The following KSR1 variants were observed in gnomAD, a reference collection of about 807,000 sequenced individuals.
KSR1 encodes the protein kinase suppressor of ras 1.
Under a neutral mutation model 92.9 loss-of-function variants are expected in KSR1, and 35 were observed. The observed-to-expected ratio is 0.38, with a 90% CI of 0.29 to 0.50. KSR1 has a LOEUF of 0.50. Ranked by LOEUF, KSR1 falls within the 20% of genes least tolerant of loss-of-function variation. KSR1 has a pLI of 0.94. For synonymous variants in KSR1, 467 were observed against 472.6 expected (o/e 0.99, Z 0.15); for missense variants, 972 against 1,158.5 (o/e 0.84, Z 2.34).
intron 9 of KSR1, among the ~76,000 whole-genome samples, chr17:27,595,960 T>C (rs1396661818): frequency 1.3e-5 from 2 of 152,162 alleles, no homozygotes; most frequent in African/African-American, 4.8e-5. Context: ...AGTGGGGCCA[T>C]GGTGGCACGT....
intron 2 of KSR1, among the ~76,000 whole-genome samples, chr17:27,558,642 G>A (rs183013191): frequency 9.2e-5 from 14 of 152,174 alleles, no homozygotes; most frequent in South Asian, 4.2e-4. Flanking sequence ...ATAGAGGTCA[G>A]GGATGCCAGA....
chr17:27,570,998 C>T (rs907355514), intron 2 of KSR1, among the ~76,000 whole-genome samples: 12 of 152,166 alleles, frequency 7.9e-5, no homozygotes, highest in African/African-American at 2.9e-4. Flanking sequence ...ATGGGAAATC[C>T]GAAGCCCAAA....
chr17:27,525,855 T>G (rs948474474), intron 1 of KSR1, among the ~76,000 whole-genome samples: 2 of 152,130 alleles, frequency 1.3e-5, no homozygotes, highest in African/African-American at 4.8e-5. Context: ...GTAAATCTTC[T>G]CCCTAAACAT....
At chr17:27,597,138 TA>T in intron 9 of KSR1, 129 bp from the exon 10 acceptor site, 1 of 1,025,782 alleles carries the variant, frequency 9.7e-7, no homozygotes, top group Non-Finnish European at 1.4e-6. Flanking sequence ...GTTAGATGTG[TA>T]AAATGTCAGA....
intron 1 of KSR1, among the ~76,000 whole-genome samples, chr17:27,537,813 AT>A (rs1045169374): frequency 1.3e-5 from 2 of 152,240 alleles, no homozygotes; most frequent in African/African-American, 4.8e-5. Flanking sequence ...AAAAGAATAT[AT>A]CCAGTTGTGG....
At chr17:27,576,125 C>G (rs773083948) in intron 2 of KSR1, among the ~76,000 whole-genome samples, 1 of 152,198 alleles carries the variant, frequency 6.6e-6, no homozygotes, top group Non-Finnish European at 1.5e-5. Flanking sequence ...CTGCTTTTCA[C>G]GCTTCAGGTC....
At chr17:27,496,017 G>A (rs1367092986) in intron 1 of KSR1, among the ~76,000 whole-genome samples, 1 of 152,172 alleles carries the variant, frequency 6.6e-6, no homozygotes, top group African/African-American at 2.4e-5. Context: ...CTTCTGGAAC[G>A]TTTTGAGTTC....
chr17:27,562,944 C>T (rs573522201), intron 2 of KSR1, among the ~76,000 whole-genome samples: 1 of 152,178 alleles, frequency 6.6e-6, no homozygotes, highest in Non-Finnish European at 1.5e-5. Context: ...TTCTCTGAGC[C>T]TGCTTACTGT....
rs1166612032 is a variant in KSR1, at chr17:27,626,426, T to C, written c.*3034T>C. On this transcript the variant is annotated 3_prime_UTR_variant, in exon 21 of 21. Coordinates refer to ENST00000644974, the MANE Select transcript of KSR1 (RefSeq NM_001394583.1). ...TGTCTGGAGTTTGTGAATAAAGTTATACCAAGGTGTTCTGGGGCTTGTCTT... is the reference window on the plus strand; with the variant it reads ...TGTCTGGAGTTTGTGAATAAAGTTACACCAAGGTGTTCTGGGGCTTGTCTT... The C allele has an allele frequency of 6.6e-6, 1 of 152,296 alleles. No individual in the cohort carries two copies. Among genetic ancestry groups the C allele is most frequent in the African/African-American group, 2.4e-5 (1 of 41,460 alleles). The allele number at this position is 152,296 out of a possible 1,614,324, so 9.4% of individuals were successfully genotyped here.
chr17:27,590,932 C>G (rs376012371), intron 7 of KSR1, 38 bp downstream of exon 7: 2 of 1,546,584 alleles, frequency 1.3e-6, no homozygotes, highest in African/African-American at 2.7e-5. Flanking sequence ...GGAGCAGACA[C>G]TTTTAGTTCA....
In KSR1 at chr17:27,537,336, G is replaced by A. The variant is rs576991921; in HGVS notation, c.232-13232G>A. ...TGCATGTGGTTTACAGTATGCTAGG[G>A]TCCTTTTTCAAGGATATGTAACTCT... is the stretch of plus-strand genomic sequence containing the variant. On this transcript the variant is annotated intron_variant, in intron 1 of 20. Transcript: ENST00000644974. Among the ~76,000 whole-genome samples, 3 of 152,278 alleles carry A rather than the reference G, an allele frequency of 2.0e-5. No individual in the cohort carries two copies. The South Asian group carries it at 6.2e-4, about 32-fold the overall frequency.
At chr17:27,481,138 C>A (rs2068497669) in intron 1 of KSR1, among the ~76,000 whole-genome samples, 1 of 152,120 alleles carries the variant, frequency 6.6e-6, no homozygotes, top group Non-Finnish European at 1.5e-5. Flanking sequence ...AAGTTAGATA[C>A]TCAGCTTTGT....
At position 27,468,007 on chromosome 17, in the gene KSR1, CG is replaced by C. The variant is rs1033203901; in HGVS notation, c.231+11137del. Reference sequence around the variant, plus strand: ...TTCGTTTTCGTATTTTTAGTAGAGACGGGGTTTCACCGTGTTAGCCAGGATG... The same window carrying C: ...TTCGTTTTCGTATTTTTAGTAGAGACGGGTTTCACCGTGTTAGCCAGGATG... On this transcript the variant is annotated intron_variant, in intron 1 of 20. Transcript: ENST00000644974. Among the ~76,000 whole-genome samples the C allele has an allele frequency of 2.0e-4, 31 of 152,038 alleles. 1 individual carries two copies. Among genetic ancestry groups the C allele is most frequent in the Admixed American group, 2.0e-3 (31 of 15,262 alleles).
chr17:27,598,623 A>G (rs151215285), intron 10 of KSR1, among the ~76,000 whole-genome samples: 2 of 152,140 alleles, frequency 1.3e-5, no homozygotes, highest in East Asian at 3.9e-4. Context: ...CTCTGTCTTT[A>G]TTATGCTCTG....
chr17:27,613,477 C>A (rs985866377), intron 18 of KSR1, among the ~76,000 whole-genome samples: 5 of 152,240 alleles, frequency 3.3e-5, no homozygotes, highest in African/African-American at 1.2e-4. Context: ...CAGGCCACCA[C>A]ACACGAGCTG....
intron 1 of KSR1, among the ~76,000 whole-genome samples, chr17:27,501,284 C>CTTTTTTTTTTTTTTTTTTTTT (rs2069171184): frequency 2.1e-5 from 1 of 48,284 alleles, no homozygotes. Context: ...TTTTTAATTT[C>CTTTTTTTTTTTTTTTTTTTTT]TTTTCTTCTT....
intron 7 of KSR1, among the ~76,000 whole-genome samples, chr17:27,591,441 G>A (rs533994404): frequency 2.6e-5 from 4 of 152,276 alleles, no homozygotes; most frequent in South Asian, 4.1e-4. Context: ...TCGGAGGCTC[G>A]GTGCCCAGCC....
At chr17:27,574,160 G>A (rs1474851241) in intron 2 of KSR1, among the ~76,000 whole-genome samples, 1 of 152,176 alleles carries the variant, frequency 6.6e-6, no homozygotes, top group African/African-American at 2.4e-5. Context: ...TAAGGTGAAG[G>A]TTGCTCTTGT....
At chr17:27,490,813 C>T (rs1048356134) in intron 1 of KSR1, among the ~76,000 whole-genome samples, 5 of 152,016 alleles carry the variant, frequency 3.3e-5, no homozygotes, top group Admixed American at 2.6e-4. Context: ...CCTATAGAAA[C>T]GATAGGCTGT....
Sources: allele counts gnomAD v4.1 joint callset (sites outside exome capture counted in the v4.1 genomes callset), GRCh38; gene constraint gnomAD v4.1.1; transcripts MANE v1.5; gene names NCBI Gene and HGNC (gene_info 2026-07-23, HGNC 2026-07-21).